The following KAT5 variants were observed in gnomAD, a reference collection of about 807,000 sequenced individuals.
KAT5 encodes the protein lysine acetyltransferase 5, also known as histone acetyltransferase KAT5.
Under a neutral mutation model 68.1 loss-of-function variants are expected in KAT5, and 31 were observed. The observed-to-expected ratio is 0.46, with a 90% CI of 0.34 to 0.61. KAT5 has a LOEUF of 0.61. Among genes scored for constraint, KAT5 ranks in the 20% least tolerant of loss-of-function variants. KAT5 has a pLI of 0.01. For synonymous variants in KAT5, 365 were observed against 292.6 expected, an observed-to-expected ratio of 1.25 and a Z score of -2.52; for missense variants, 451 against 725.5, an observed-to-expected ratio of 0.62 and a Z score of 4.35.
chr11:65,716,102 AT>A (rs1400825209), intron 8 of KAT5: 2 of 152,480 alleles, frequency 1.3e-5, no homozygotes, highest in Non-Finnish European at 2.9e-5. Context: ...AGGATTCATA[AT>A]TTTGCTGGGG....
In KAT5 at chr11:65,713,472, G is replaced by C; in HGVS notation, c.509G>C (p.Ser170Thr). The C allele has an allele frequency of 6.2e-7, 1 of 1,614,196 alleles. No individual in the cohort carries two copies. The highest frequency in any genetic ancestry group is 2.2e-5 in the East Asian group (1 of 44,892). The change falls in exon 4 of 13, where the codon AGC becomes ACC. Residue 170 changes from serine (S) to threonine (T), a missense_variant. Ser to Thr is a moderately conservative substitution (Grantham distance 58, BLOSUM62 1). Transcript: ENST00000341318. The stretch of plus-strand genomic sequence containing the variant: ...GAGCCTGACCAGCCGCTCTCCTCCA[G>C]CTCCTGCCTGCAGCCCAACCACCGC... ...GGEPDQPLSS[S>T]SCLQPNHRST...
chr11:65,712,898 C>G, intron 2 of KAT5, 24 bp from the exon 3 acceptor site: 3 of 1,614,136 alleles, frequency 1.9e-6, no homozygotes, highest in Non-Finnish European at 2.5e-6. Context: ...GGCATTCTGT[C>G]CTGAGCCATC....
Position 65,717,126 on chromosome 11 carries a change from C to T in KAT5, c.1264+144C>T, listed in dbSNP as rs1216977961. 5.9e-6 allele frequency: 4 copies of T among 672,656 alleles called. No individual in the cohort carries two copies. The East Asian group carries it at 8.1e-5, about 14-fold the overall frequency. 41.7% of individuals were successfully genotyped at this position (672,656 alleles called of 1,614,324 possible). ...AGCCAGAAATAACAGTGGCACTCTC[C>T]CGGGGTTCTCTCCGTTCAGGCTGAC... On this transcript the variant is annotated intron_variant, in intron 10 of 12. Coordinates refer to ENST00000341318, the MANE Select transcript of KAT5 (RefSeq NM_182710.3).
At chr11:65,715,487 A>C (rs1857160100) in intron 8 of KAT5, among the ~76,000 whole-genome samples, 1 of 152,140 alleles carries the variant, frequency 6.6e-6, no homozygotes, top group African/African-American at 2.4e-5. Context: ...TGGGCTGGGC[A>C]CGGTGGCTCA....
rs376855719 is a variant in KAT5, at chr11:65,712,898, C to T, written c.248-24C>T. The T allele has an allele frequency of 1.9e-5, 30 of 1,614,018 alleles. No homozygotes were observed. In the Admixed American group the frequency reaches 3.0e-4, roughly 16 times the overall value. ...TGGGGGACAGTCTTTGGCATTCTGT[C>T]CTGAGCCATCCCCACTGCTACAGTC... On this transcript the variant is annotated intron_variant, in intron 2 of 12. Transcript: ENST00000341318.
In KAT5 at chr11:65,719,234, C is replaced by A. The variant is rs940052661; in HGVS notation, c.*53C>A. The A allele has an allele frequency of 1.3e-6, 2 of 1,588,134 alleles. No homozygotes were observed. The highest frequency in any genetic ancestry group is 1.7e-6 in the Non-Finnish European group (2 of 1,166,154). ...ACGGCAGCAGGACTGGGGCTGATAG[C>A]CCACCCCGCCCCCACTGCAGCTCCC... On this transcript the variant is annotated 3_prime_UTR_variant, in exon 13 of 13. Coordinates refer to ENST00000341318, the MANE Select transcript of KAT5 (RefSeq NM_182710.3).
intron 1 of KAT5, 36 bp downstream of exon 1, chr11:65,712,481 A>C: frequency 6.9e-7 from 1 of 1,448,054 alleles, no homozygotes; most frequent in East Asian, 2.5e-5. Context: ...AAGGAACCTG[A>C]GGGCGAGGGG....
At chr11:65,713,688 CTT>C (rs754958048) in intron 5 of KAT5, 21 bp downstream of exon 5, 149 of 1,613,952 alleles carry the variant, frequency 9.2e-5, no homozygotes, top group Non-Finnish European at 1.2e-4. Flanking sequence ...CAAACCATCT[CTT>C]GTTCTCTTCC....
In KAT5 at chr11:65,718,676, T is replaced by G; in HGVS notation, c.1351T>G (p.Trp451Gly). Residue 451 changes from tryptophan (W) to glycine (G), a missense_variant, in exon 11 of 13, where the codon TGG becomes GGG. This residue lies in a region of KAT5 where 210 missense variants were observed against 423.7 expected (regional missense o/e 0.50). Coordinates refer to ENST00000341318, the MANE Select transcript of KAT5 (RefSeq NM_182710.3). The part of the protein sequence containing the change: ...DLGLLSYRSY[W>G]SQTILEILMG... The stretch of plus-strand genomic sequence containing the variant: ...TGGCCTCCTATCCTATCGAAGCTAC[T>G]GGTCCCAGACCATCCTGGAGATCCT... 1 of 1,614,182 alleles carries G rather than the reference T, an allele frequency of 6.2e-7. No homozygotes were observed.
Position 65,716,898 on chromosome 11 carries a change from T to C in KAT5, c.1180T>C (p.Ser394Pro). The change falls in exon 10 of 13, where the codon TCA becomes CCA. Residue 394 changes from serine (S) to proline (P), a missense_variant. Ser to Pro is a moderately conservative substitution (Grantham distance 74). Transcript: ENST00000341318. ...TGTCCCCCTTCTCCAGGAGAAAGAA[T>C]CAACGGAAGACTACAATGTGGCCTG... ...IVGYFSKEKE[S>P]TEDYNVACIL... is the part of the protein sequence containing the mutation. The C allele has an allele frequency of 6.2e-7, 1 of 1,614,120 alleles. No individual in the cohort carries two copies. The highest frequency in any genetic ancestry group is 8.5e-7 in the Non-Finnish European group (1 of 1,179,976).
rs41302415 is a variant in KAT5 at position 65,713,758 on chromosome 11, C to T, written c.616-16C>T. 4,846 of 1,613,610 alleles carry T rather than the reference C, an allele frequency of 3.0e-3. 8 individuals carry two copies. The highest frequency in any genetic ancestry group is 3.7e-3 in the Non-Finnish European group (4,321 of 1,179,738). On this transcript the variant is annotated splice_polypyrimidine_tract_variant and intron_variant, in intron 5 of 12. Coordinates refer to ENST00000341318, the MANE Select transcript of KAT5 (RefSeq NM_182710.3). ...TCATTTCACAGCCATCCCTTCTTTT[C>T]CTACTATCTCGGCAGAATGGAGCCG...
intron 3 of KAT5, 32 bp downstream of exon 3, chr11:65,713,090 C>T (rs200440612): frequency 4.8e-5 from 78 of 1,611,302 alleles, no homozygotes; most frequent in African/African-American, 3.9e-4. Context: ...CCTTTTCTCT[C>T]CTGCCTCCTA....
Position 65,713,059 on chromosome 11 carries a change from G to A in KAT5, c.384+1G>A. On this transcript the variant is annotated splice_donor_variant, in intron 3 of 12. Transcript: ENST00000341318. LOFTEE classifies it high-confidence loss of function. The stretch of plus-strand genomic sequence containing the variant: ...TCCTGGCTCTCCAGAGAGAGAGGTG[G>A]TGAGTAGGTCCCCCACTTCACCTTT... 1 of 1,612,702 alleles carries A rather than the reference G, an allele frequency of 6.2e-7. No homozygotes were observed. The highest frequency in any genetic ancestry group is 8.5e-7 in the Non-Finnish European group (1 of 1,180,000).
At position 65,713,413 on chromosome 11, in the gene KAT5, C is replaced by T; in HGVS notation, c.450C>T (p.Asn150=). The T allele has an allele frequency of 6.2e-7, 1 of 1,614,184 alleles. No individual in the cohort carries two copies. The highest frequency in any genetic ancestry group is 8.5e-7 in the Non-Finnish European group (1 of 1,180,028). The part of the protein sequence containing the change: ...PIPVQITLRF[N]LPKEREAIPG... ...CGGTCCAGATCACACTCCGCTTCAA[C>T]CTGCCCAAGGAGCGGGAGGCCATTC... Residue 150 remains asparagine, a synonymous_variant, in exon 4 of 13, where the codon AAC becomes AAT. Coordinates refer to ENST00000341318, the MANE Select transcript of KAT5 (RefSeq NM_182710.3).
At chr11:65,714,324 A>T in intron 6 of KAT5, 171 bp from the exon 7 acceptor site, 1 of 729,022 alleles carries the variant, frequency 1.4e-6, no homozygotes, top group Non-Finnish European at 2.2e-6. Flanking sequence ...GATCTTTTCC[A>T]CATCATCGAT....
intron 8 of KAT5, chr11:65,715,169 A>G: frequency 6.0e-6 from 3 of 497,428 alleles, no homozygotes; most frequent in Middle Eastern, 5.7e-4. Flanking sequence ...GGTTAGCAGG[A>G]CCCAAAGGAG....
chr11:65,712,552 C>T, intron 1 of KAT5, 107 bp downstream of exon 1: 2 of 1,375,876 alleles, frequency 1.5e-6, no homozygotes, highest in Non-Finnish European at 2.0e-6. Flanking sequence ...GCGGGCGAGG[C>T]GCAGATACTT....
chr11:65,714,689 G>C lies in KAT5; in HGVS notation c.885G>C (p.Leu295=), dbSNP rs1419036945. 1.2e-6 allele frequency: 2 copies of C among 1,614,218 alleles called. No individual in the cohort carries two copies. Among genetic ancestry groups the C allele is most frequent in the Admixed American group, 1.7e-5 (1 of 60,024 alleles). The change falls in exon 7 of 13, where the codon CTG becomes CTC. Residue 295 remains leucine, a synonymous_variant. Transcript: ENST00000341318. ...QELTTLPVLY[L]CEFCLKYGRS... is the part of the protein sequence containing the mutation. The stretch of plus-strand genomic sequence containing the variant: ...TCACCACATTGCCTGTCCTCTACCT[G>C]TGCGAGTTCTGCCTCAAGTACGGCC...
rs376447456 is a variant in KAT5 at position 65,718,584 on chromosome 11, C to T, written c.1265-6C>T. 19 of 1,613,402 alleles carry T rather than the reference C, an allele frequency of 1.2e-5. No homozygotes were observed. In the African/African-American group the frequency reaches 2.0e-4, roughly 17 times the overall value. On this transcript the variant is annotated splice_polypyrimidine_tract_variant and splice_region_variant and intron_variant, in intron 10 of 12. Transcript: ENST00000341318. ...TTACTCACCCTCTCCTGCTCCATTGCTTTAGGCTATGAACTCTCCAAAGTG... is the reference window on the plus strand; with the variant it reads ...TTACTCACCCTCTCCTGCTCCATTGTTTTAGGCTATGAACTCTCCAAAGTG...
Sources: allele counts gnomAD v4.1 joint callset (sites outside exome capture counted in the v4.1 genomes callset), GRCh38; gene constraint gnomAD v4.1.1; regional missense constraint gnomAD v4.1.1; transcripts MANE v1.5; gene names NCBI Gene and HGNC (gene_info 2026-07-23, HGNC 2026-07-21).